Variants in GJC3 observed in about 807,000 individuals in gnomAD.
GJC3 encodes the protein gap junction protein gamma 3, also known as gap junction gamma-3 protein.
In GJC3, 17 loss-of-function variants were observed where a neutral mutation model predicts 19.8. The observed-to-expected ratio is 0.86, with a 90% CI of 0.59 to 1.29. GJC3 has a LOEUF of 1.29. Ranked by LOEUF, GJC3 falls within the 50% of genes most tolerant of loss-of-function variation. The pLI is 0.00. For synonymous variants in GJC3, 140 were observed against 136.5 expected, an observed-to-expected ratio of 1.03 and a Z score of -0.18; for missense variants, 317 against 332.5, an observed-to-expected ratio of 0.95 and a Z score of 0.36.
chr7:99,926,841 G>A (rs529612169), intron 1 of GJC3, among the ~76,000 whole-genome samples: 5 of 152,278 alleles, frequency 3.3e-5, no homozygotes, highest in African/African-American at 4.8e-5. Flanking sequence ...GGTTCTTGGC[G>A]TTTTGAACAA....
At chr7:99,925,456 A>G (rs1288243107) in intron 1 of GJC3, among the ~76,000 whole-genome samples, 1 of 152,360 alleles carries the variant, frequency 6.6e-6, no homozygotes, top group East Asian at 1.9e-4. Context: ...AAACATAGGC[A>G]TTAATCTTTA....
At chr7:99,926,480 C>T (rs1819802229) in intron 1 of GJC3, among the ~76,000 whole-genome samples, 1 of 152,116 alleles carries the variant, frequency 6.6e-6, no homozygotes, top group Non-Finnish European at 1.5e-5. Flanking sequence ...TATATCCTAA[C>T]AGTGGAATAA....
At chr7:99,927,401 C>T (rs574244597) in intron 1 of GJC3, among the ~76,000 whole-genome samples, 8 of 152,256 alleles carry the variant, frequency 5.3e-5, no homozygotes, top group Non-Finnish European at 8.8e-5. Flanking sequence ...ATGCTATTTG[C>T]GTTTTTCCTT....
chr7:99,925,479 A>G (rs1275040800), intron 1 of GJC3, among the ~76,000 whole-genome samples: 1 of 152,208 alleles, frequency 6.6e-6, no homozygotes, highest in Non-Finnish European at 1.5e-5. Context: ...GCTGTGAATT[A>G]GGCAATAGTT....
chr7:99,926,349 A>G lies in GJC3; in HGVS notation c.781+2491T>C, dbSNP rs559132276. 1.4e-3 allele frequency among the ~76,000 whole-genome samples: 213 copies of G among 151,830 alleles called. 6 individuals are homozygous for G. The South Asian group carries it at 0.041, about 30-fold the overall frequency. The stretch of plus-strand genomic sequence containing the variant: ...ACTCCATCCCAAAAAAAAAAAAAAA[A>G]GTGGTACACATATGTTCATAGCAAC... On this transcript the variant is annotated intron_variant, in intron 1 of 1. Transcript: ENST00000312891.
upstream of GJC3, chr7:99,929,859 C>G (rs1197734343): frequency 1.7e-6 from 1 of 595,628 alleles, no homozygotes; most frequent in Non-Finnish European, 3.0e-6. Flanking sequence ...TCTGCCCTCC[C>G]CTTCTGTACT....
rs781659404 is a variant in GJC3, at chr7:99,929,070, C to G, written c.551G>C (p.Arg184Pro). Residue 184 changes from arginine to proline, a missense_variant, in exon 1 of 2, where the codon CGC becomes CCC. By Grantham distance (103) the Arg-to-Pro change is moderately radical. Coordinates refer to ENST00000312891, the MANE Select transcript of GJC3 (RefSeq NM_181538.3). ...TAGGAAAATGGTCTTCTCAGAGGGGCGGGACAGATTGCAGGTTATACTACC... is the reference window on the plus strand; with the variant it reads ...TAGGAAAATGGTCTTCTCAGAGGGGGGGGACAGATTGCAGGTTATACTACC... ...CLGSITCNLS[R>P]PSEKTIFLKT... The G allele has an allele frequency of 1.2e-6, 2 of 1,613,990 alleles. No homozygotes were observed. The highest frequency in any genetic ancestry group is 1.1e-5 in the South Asian group (1 of 91,064).
chr7:99,927,990 T>A (rs946436159), intron 1 of GJC3, among the ~76,000 whole-genome samples: 1 of 152,234 alleles, frequency 6.6e-6, no homozygotes, highest in Admixed American at 6.5e-5. Flanking sequence ...TAATTTTCCT[T>A]AAGGATATGG....
chr7:99,929,670 G>C (rs1431134198), upstream of GJC3: 1 of 1,540,120 alleles, frequency 6.5e-7, no homozygotes, highest in East Asian at 2.4e-5. Context: ...CTGTCCTTCA[G>C]AGGGAGCTCC....
chr7:99,927,121 G>T (rs777494496), intron 1 of GJC3, among the ~76,000 whole-genome samples: 1 of 152,238 alleles, frequency 6.6e-6, no homozygotes, highest in Admixed American at 6.5e-5. Context: ...AGCCTGATTT[G>T]TTGGGGACAG....
Position 99,929,417 on chromosome 7 carries a change from G to A in GJC3, c.204C>T (p.Phe68=). Residue 68 remains phenylalanine (F), a synonymous_variant, in exon 1 of 2, where the codon TTC becomes TTT. Transcript: ENST00000312891. ...PGCKAACFDA[F]HPLSPLRFWV... is the part of the protein sequence containing the mutation. ...AGAAACGCAGCGGGGAGAGGGGGTG[G>A]AAGGCATCGAAGCAGGCAGCCTTGC... 1 of 1,614,070 alleles carries A rather than the reference G, an allele frequency of 6.2e-7. No individual in the cohort carries two copies. The highest frequency in any genetic ancestry group is 1.1e-5 in the South Asian group (1 of 91,074).
At position 99,929,594 on chromosome 7, in the gene GJC3, C is replaced by A; in HGVS notation, c.27G>T (p.Leu9=). 1 of 1,608,302 alleles carries A rather than the reference C, an allele frequency of 6.2e-7. No individual in the cohort carries two copies. Among genetic ancestry groups the A allele is most frequent in the Non-Finnish European group, 8.5e-7 (1 of 1,179,142 alleles). Residue 9 remains leucine, a synonymous_variant, in exon 1 of 2, where the codon CTG becomes CTT. Coordinates refer to ENST00000312891, the MANE Select transcript of GJC3 (RefSeq NM_181538.3). ...TGGAGCGCCGGCTCTCCTCCGCCAG[C>A]AGCCGCCGCAGGAACCTGCCACACA... MCGRFLRR[L]LAEESRRSTP... is the part of the protein sequence containing the mutation.
At chr7:99,927,009 C>T (rs1819814563) in intron 1 of GJC3, among the ~76,000 whole-genome samples, 1 of 152,196 alleles carries the variant, frequency 6.6e-6, no homozygotes, top group Non-Finnish European at 1.5e-5. Flanking sequence ...GTCCCAGTAC[C>T]CACTAGAAGT....
intron 1 of GJC3, among the ~76,000 whole-genome samples, chr7:99,923,810 A>G (rs1819732509): frequency 6.6e-6 from 1 of 152,176 alleles, no homozygotes; most frequent in African/African-American, 2.4e-5. Context: ...CTTGAACCCA[A>G]ATGGGTTAAT....
intron 1 of GJC3, 63 bp downstream of exon 1, chr7:99,928,777 G>T (rs1241185161): frequency 6.6e-7 from 1 of 1,506,532 alleles, no homozygotes; most frequent in Admixed American, 1.7e-5. Flanking sequence ...TGAGGGACCT[G>T]CCCCGGGAGG....
chr7:99,925,204 CCTGATGTGA>C, intron 1 of GJC3, among the ~76,000 whole-genome samples: 1 of 152,038 alleles, frequency 6.6e-6, no homozygotes, highest in Non-Finnish European at 1.5e-5. Flanking sequence ...CCCCATTTAC[CCTGATGTGA>C]CTATTACACA....
chr7:99,928,510 A>G (rs1275334056), intron 1 of GJC3, among the ~76,000 whole-genome samples: 2 of 152,232 alleles, frequency 1.3e-5, no homozygotes, highest in East Asian at 3.8e-4. Flanking sequence ...TAACTCTGCA[A>G]AGTAGAGAAT....
rs1562783847 is a variant in GJC3 at position 99,923,613 on chromosome 7, A to G, written c.782-10T>C. ...AAGCTTCTTCCTGGAACTTTTTAAAACAAAAATTCAAGATGTAACAGTTAC... is the reference window on the plus strand; with the variant it reads ...AAGCTTCTTCCTGGAACTTTTTAAAGCAAAAATTCAAGATGTAACAGTTAC... On this transcript the variant is annotated splice_polypyrimidine_tract_variant and intron_variant, in intron 1 of 1. Transcript: ENST00000312891. 1 of 780,910 alleles carries G rather than the reference A, an allele frequency of 1.3e-6. No homozygotes were observed. The highest frequency in any genetic ancestry group is 2.4e-6 in the Non-Finnish European group (1 of 418,042). The allele number at this position is 780,910 out of a possible 1,614,324, so 48.4% of individuals were successfully genotyped here.
chr7:99,928,326 A>C (rs1819840181), intron 1 of GJC3, among the ~76,000 whole-genome samples: 1 of 152,254 alleles, frequency 6.6e-6, no homozygotes, highest in African/African-American at 2.4e-5. Context: ...TGCTGACACC[A>C]GAAAATTCCA....
Sources: gnomAD v4.1 joint callset for allele counts (sites outside exome capture counted in the v4.1 genomes callset) on GRCh38, gnomAD v4.1.1 for gene constraint, MANE v1.5 for transcripts, NCBI Gene and HGNC (gene_info 2026-07-23, HGNC 2026-07-21) for gene names.